The following TPM4 variants were observed in gnomAD, a reference collection of about 807,000 sequenced individuals.
TPM4 encodes the protein tropomyosin 4, also known as tropomyosin alpha-4 chain.
Under a neutral mutation model 35.8 loss-of-function variants are expected in TPM4, and 17 were observed. That is an observed-to-expected ratio of 0.47 (90% CI 0.32 to 0.71). The LOEUF (loss-of-function observed/expected upper bound fraction) is 0.71. TPM4 is among the 30% of genes least tolerant of loss of function. TPM4 has a pLI of 0.03. For synonymous variants in TPM4, 120 were observed against 122.9 expected (o/e 0.98, Z 0.15); for missense variants, 240 against 320.9 (o/e 0.75, Z 1.93).
Position 16,098,379 on chromosome 19 carries a change from G to A in TPM4, c.665-2885G>A, listed in dbSNP as rs145373946. Among the ~76,000 whole-genome samples, 12 of 152,188 alleles carry A rather than the reference G, an allele frequency of 7.9e-5. No individual in the cohort carries two copies. In the East Asian group the frequency reaches 1.4e-3, roughly 17 times the overall value. On this transcript the variant is annotated intron_variant, in intron 7 of 7. Coordinates refer to ENST00000643579, the MANE Select transcript of TPM4 (RefSeq NM_003290.3). ...AATCAATCACTTGAACCTGGGAGGC[G>A]GAGCTTGCTGTGAGCCAAGGTCGAA...
At position 16,082,030 on chromosome 19, in the gene TPM4, G is replaced by T. The variant is rs1243234118; in HGVS notation, c.250G>T (p.Ala84Ser). The T allele has an allele frequency of 3.7e-6, 6 of 1,609,210 alleles. No homozygotes were observed. The highest frequency in any genetic ancestry group is 5.1e-6 in the Non-Finnish European group (6 of 1,176,008). Reference protein sequence around the residue: ...LQKLEEAEKAADESERGMKVI... With the variant: ...LQKLEEAEKASDESERGMKVI... ...GAAGCTGGAGGAGGCAGAAAAAGCT[G>T]CAGATGAGAGTGAGAGGTAAGGACG... The change falls in exon 2 of 8, where the codon GCA becomes TCA. Residue 84 changes from alanine (A) to serine (S), a missense_variant. By Grantham distance (99) the Ala-to-Ser change is moderately conservative. Coordinates refer to ENST00000643579, the MANE Select transcript of TPM4 (RefSeq NM_003290.3).
chr19:16,076,408 T>G (rs1490309772), upstream of TPM4: 21 of 1,359,870 alleles, frequency 1.5e-5, no homozygotes, highest in Non-Finnish European at 1.9e-5. Flanking sequence ...GGTGACCTCA[T>G]CGCCCCGACG....
At chr19:16,095,721 A>G (rs2090688111) in intron 7 of TPM4, 1 of 405,164 alleles carries the variant, frequency 2.5e-6, no homozygotes, top group Non-Finnish European at 3.4e-6. Context: ...TACCGCTGTT[A>G]GCTAACGGCA....
At chr19:16,076,212 G>T (rs1289764667), upstream of TPM4, 6 of 1,550,008 alleles carry the variant, frequency 3.9e-6, no homozygotes, top group Admixed American at 1.0e-4. Flanking sequence ...GCGGGGCCAG[G>T]CCGGAGCCCC....
upstream of TPM4, chr19:16,076,007 C>G (rs773544537): frequency 1.9e-6 from 3 of 1,539,996 alleles, no homozygotes. Flanking sequence ...GACGTGACCC[C>G]CCCCCCAGGC....
intron 7 of TPM4, chr19:16,101,063 C>T (rs574884528): frequency 5.3e-4 from 215 of 404,014 alleles, no homozygotes; most frequent in Non-Finnish European, 8.7e-4. Flanking sequence ...CCCAGCTACT[C>T]GGGAGGCTGA....
chr19:16,098,250 C>CA (rs2090722492), intron 7 of TPM4, among the ~76,000 whole-genome samples: 1 of 152,036 alleles, frequency 6.6e-6, no homozygotes, highest in African/African-American at 2.4e-5. Context: ...CAGGACCAAC[C>CA]TGGTCAACAT....
intron 7 of TPM4, 137 bp downstream of exon 7, chr19:16,093,890 C>T: frequency 1.3e-6 from 1 of 779,402 alleles, no homozygotes; most frequent in South Asian, 1.6e-5. Flanking sequence ...ATAGTGATGT[C>T]ATATCTGGAT....
At chr19:16,068,240 C>T (rs991826191) in intron 2 of TPM4, among the ~76,000 whole-genome samples, 1 of 151,368 alleles carries the variant, frequency 6.6e-6, no homozygotes, top group African/African-American at 2.4e-5. Flanking sequence ...TGCAGTGGCC[C>T]AATCTCGGAT....
chr19:16,077,074 G>A (rs1245302381), intron 1 of TPM4: 5 of 183,262 alleles, frequency 2.7e-5, no homozygotes, highest in Non-Finnish European at 5.6e-5. Flanking sequence ...AGGGGAACCC[G>A]CGACCGGACT....
chr19:16,088,134 AT>A (rs761888380), intron 4 of TPM4, 37 bp downstream of exon 4: 1 of 1,592,764 alleles, frequency 6.3e-7, no homozygotes, highest in South Asian at 1.1e-5. Context: ...GGCTGGCTCG[AT>A]TCCTGGGGCG....
chr19:16,068,063 T>G, intron 2 of TPM4: 1 of 407,296 alleles, frequency 2.5e-6, no homozygotes, highest in South Asian at 3.0e-5. Context: ...ATAGGGCGGT[T>G]GGGGACATGC....
intron 5 of TPM4, among the ~76,000 whole-genome samples, chr19:16,089,605 T>G (rs2090600761): frequency 6.6e-6 from 1 of 152,008 alleles, no homozygotes; most frequent in Non-Finnish European, 1.5e-5. Context: ...CTCTTCCTCA[T>G]TCTTGCTCCT....
At chr19:16,068,272 C>T (rs11672873) in intron 2 of TPM4, among the ~76,000 whole-genome samples, 6 of 151,584 alleles carry the variant, frequency 4.0e-5, no homozygotes, top group African/African-American at 1.5e-4. Context: ...CCGCCTCCTG[C>T]GTTCAGGCGA....
upstream of TPM4, chr19:16,076,131 G>A: frequency 1.3e-6 from 2 of 1,582,326 alleles, no homozygotes; most frequent in Non-Finnish European, 1.7e-6. Context: ...CCTGAAGGAC[G>A]CGCAGGAGAA....
At chr19:16,075,486 G>GAGCCATTC (rs1242740691), upstream of TPM4, 1 of 152,436 alleles carries the variant, frequency 6.6e-6, no homozygotes, top group Admixed American at 6.5e-5. Flanking sequence ...GACTAGGTCT[G>GAGCCATTC]AGCCCTTCAG....
intron 2 of TPM4, 83 bp from the exon 3 acceptor site, chr19:16,086,340 A>G: frequency 8.0e-7 from 1 of 1,246,462 alleles, no homozygotes; most frequent in Non-Finnish European, 1.2e-6. Flanking sequence ...ACAGAGCGAG[A>G]CTCCATCTGA....
At chr19:16,068,365 C>T (rs561587956) in intron 2 of TPM4, among the ~76,000 whole-genome samples, 7 of 152,136 alleles carry the variant, frequency 4.6e-5, no homozygotes, top group Admixed American at 2.0e-4. Context: ...TAGTAGAGAC[C>T]GGATTTCGCC....
In TPM4 at chr19:16,087,595, A is replaced by C. The variant is rs569987168; in HGVS notation, c.385-432A>C. Among the ~76,000 whole-genome samples the C allele has an allele frequency of 3.1e-4, 47 of 151,490 alleles. 1 individual carries two copies. The South Asian group carries it at 9.6e-3, about 31-fold the overall frequency. ...CTGTCTCAAAAGAATAAAAAAATAA[A>C]AAAGAGGCCAGGTGTGGTGGCTCAT... On this transcript the variant is annotated intron_variant, in intron 3 of 7. Coordinates refer to ENST00000643579, the MANE Select transcript of TPM4 (RefSeq NM_003290.3).
Sources: allele counts gnomAD v4.1 joint callset (sites outside exome capture counted in the v4.1 genomes callset), GRCh38; gene constraint gnomAD v4.1.1; transcripts MANE v1.5; gene names NCBI Gene and HGNC (gene_info 2026-07-23, HGNC 2026-07-21).